The following ZNF704 variants were observed in gnomAD, a reference collection of about 807,000 sequenced individuals.
ZNF704 encodes glucocorticoid induced gene 1.
Under a neutral mutation model 44.7 loss-of-function variants are expected in ZNF704, and 10 were observed. The observed-to-expected ratio is 0.22, with a 90% CI of 0.14 to 0.38. The LOEUF is 0.38. ZNF704 is among the 10% of genes least tolerant of loss of function. ZNF704 has a pLI of 1.00. For missense variants in ZNF704, 390 were observed against 545.5 expected (o/e 0.71, Z 2.84); for synonymous variants, 211 against 207.6 (o/e 1.02, Z -0.14).
intron 1 of ZNF704, among the ~76,000 whole-genome samples, chr8:80,872,977 G>A (rs1203073884): frequency 6.6e-6 from 1 of 152,116 alleles, no homozygotes; most frequent in Non-Finnish European, 1.5e-5. Flanking sequence ...GGAAACCAAG[G>A]GCTTGGATTT....
At chr8:80,663,208 C>T (rs905157183) in intron 6 of ZNF704, among the ~76,000 whole-genome samples, 6 of 151,740 alleles carry the variant, frequency 4.0e-5, no homozygotes, top group Admixed American at 1.3e-4. Flanking sequence ...AGTGAGAGCT[C>T]GTCTCTACAA....
rs145983771 is a variant in ZNF704, at chr8:80,644,877, G to A, written c.1033-1748C>T. On this transcript the variant is annotated intron_variant, in intron 7 of 8. Coordinates refer to ENST00000327835, the MANE Select transcript of ZNF704 (RefSeq NM_001033723.3). The stretch of plus-strand genomic sequence containing the variant: ...AACATAATAATGTTATCTGAAAGAT[G>A]TTAGGAAGTAAGGACAGCTGTGTAA... The A allele has an allele frequency of 2.2e-3, 1,681 of 765,320 alleles. 6 individuals are homozygous for A. Among genetic ancestry groups the A allele is most frequent in the Middle Eastern group, 8.3e-3 (23 of 2,758 alleles). The allele number at this position is 765,320 out of a possible 1,614,324, so 47.4% of individuals were successfully genotyped here.
intron 5 of ZNF704, among the ~76,000 whole-genome samples, chr8:80,666,514 G>C (rs1818197535): frequency 6.9e-6 from 1 of 144,158 alleles, no homozygotes; most frequent in South Asian, 2.3e-4. Flanking sequence ...GGTATTTCTA[G>C]TTCTAGATCC....
intron 2 of ZNF704, among the ~76,000 whole-genome samples, chr8:80,753,009 G>C (rs1029050561): frequency 6.6e-6 from 1 of 152,092 alleles, no homozygotes; most frequent in African/African-American, 2.4e-5. Context: ...AACTCCTCTT[G>C]TATTTCCAAG....
chr8:80,853,931 T>G (rs1007526480), intron 1 of ZNF704, among the ~76,000 whole-genome samples: 1 of 151,990 alleles, frequency 6.6e-6, no homozygotes, highest in African/African-American at 2.4e-5. Flanking sequence ...AAAGCAAGAA[T>G]AAGTCATAAA....
At chr8:80,783,130 T>A (rs1223319837) in intron 2 of ZNF704, among the ~76,000 whole-genome samples, 1 of 152,052 alleles carries the variant, frequency 6.6e-6, no homozygotes, top group African/African-American at 2.4e-5. Context: ...ACTGAACATG[T>A]GTGTTCAGCA....
chr8:80,657,004 A>T (rs368510129), intron 7 of ZNF704, among the ~76,000 whole-genome samples: 3 of 152,258 alleles, frequency 2.0e-5, no homozygotes, highest in African/African-American at 7.2e-5. Flanking sequence ...GAGGGTAAGA[A>T]TTCACGTTTT....
intron 1 of ZNF704, among the ~76,000 whole-genome samples, chr8:80,846,583 G>A (rs955138703): frequency 1.3e-5 from 2 of 152,126 alleles, no homozygotes; most frequent in Non-Finnish European, 2.9e-5. Context: ...CATTGTCAAA[G>A]CTCTCAAAGA....
intron 7 of ZNF704, among the ~76,000 whole-genome samples, chr8:80,647,160 C>T (rs953454639): frequency 1.3e-5 from 2 of 152,196 alleles, no homozygotes; most frequent in African/African-American, 4.8e-5. Flanking sequence ...AGTGAGAAGA[C>T]AGACAATAAA....
intron 1 of ZNF704, among the ~76,000 whole-genome samples, chr8:80,821,894 A>T (rs1029855808): frequency 6.6e-6 from 1 of 152,200 alleles, no homozygotes; most frequent in African/African-American, 2.4e-5. Context: ...TAATACCTCT[A>T]ATTTTTTAAA....
chr8:80,670,204 A>G lies in ZNF704; in HGVS notation c.659+299T>C, dbSNP rs530109103. Reference sequence around the variant, plus strand: ...ATTTTATCTTTGGCACTCACACTTGACCCTGAAGAGCTGACATTATTATAA... The same window carrying G: ...ATTTTATCTTTGGCACTCACACTTGGCCCTGAAGAGCTGACATTATTATAA... On this transcript the variant is annotated intron_variant, in intron 5 of 8. Transcript: ENST00000327835. Among the ~76,000 whole-genome samples, 6 of 152,268 alleles carry G rather than the reference A, an allele frequency of 3.9e-5. No homozygotes were observed. The South Asian group carries it at 1.0e-3, about 26-fold the overall frequency.
At chr8:80,817,148 G>A (rs1163261657) in intron 2 of ZNF704, among the ~76,000 whole-genome samples, 1 of 152,190 alleles carries the variant, frequency 6.6e-6, no homozygotes, top group Non-Finnish European at 1.5e-5. Flanking sequence ...AAAGGGCAGG[G>A]AGACTGGCCC....
intron 3 of ZNF704, among the ~76,000 whole-genome samples, chr8:80,691,769 T>G (rs981117646): frequency 3.3e-5 from 5 of 152,224 alleles, no homozygotes; most frequent in African/African-American, 1.2e-4. Flanking sequence ...CACTGCCTAT[T>G]AAACATGTTT....
chr8:80,736,099 T>C (rs1342836086), intron 2 of ZNF704, among the ~76,000 whole-genome samples: 1 of 152,244 alleles, frequency 6.6e-6, no homozygotes, highest in Non-Finnish European at 1.5e-5. Context: ...AAAGCTTGTT[T>C]AATTTTCTTC....
At position 80,637,594 on chromosome 8, in the gene ZNF704, C is replaced by T. The variant is rs1817682079; in HGVS notation, c.*3772G>A. ...TTTCAGTTTCAAAAATCTTTTGCAA[C>T]ATATACACATGTGACTATCTCTTTG... On this transcript the variant is annotated 3_prime_UTR_variant, in exon 9 of 9. Transcript: ENST00000327835. 1 of 152,212 alleles carries T rather than the reference C, an allele frequency of 6.6e-6. No individual in the cohort carries two copies. The highest frequency in any genetic ancestry group is 2.1e-4 in the South Asian group (1 of 4,834). The allele number at this position is 152,212 out of a possible 1,614,324, so 9.4% of individuals were successfully genotyped here.
intron 4 of ZNF704, among the ~76,000 whole-genome samples, chr8:80,672,922 A>G (rs754032010): frequency 6.6e-5 from 10 of 151,928 alleles, no homozygotes; most frequent in Non-Finnish European, 1.3e-4. Context: ...TAAAAGTTGA[A>G]CTTAAAAAAA....
chr8:80,730,077 C>T (rs949965314), intron 2 of ZNF704, among the ~76,000 whole-genome samples: 13 of 152,080 alleles, frequency 8.5e-5, no homozygotes, highest in African/African-American at 3.1e-4. Context: ...CAGAACACAC[C>T]TGAGAAGATG....
chr8:80,817,654 AC>A (rs1808198756), intron 2 of ZNF704, among the ~76,000 whole-genome samples: 1 of 152,194 alleles, frequency 6.6e-6, no homozygotes, highest in Non-Finnish European at 1.5e-5. Flanking sequence ...TTTTTCTGAA[AC>A]TAGCAACTTT....
intron 7 of ZNF704, among the ~76,000 whole-genome samples, chr8:80,649,879 T>A (rs1419247815): frequency 6.6e-6 from 1 of 152,236 alleles, no homozygotes; most frequent in Non-Finnish European, 1.5e-5. Flanking sequence ...AGTGGGTCCA[T>A]GACCCCCGAG....
Sources: allele counts gnomAD v4.1 joint callset (sites outside exome capture counted in the v4.1 genomes callset), GRCh38; gene constraint gnomAD v4.1.1; transcripts MANE v1.5; gene names NCBI Gene and HGNC (gene_info 2026-07-23, HGNC 2026-07-21).